CENPW: variants seen among roughly 807,000 people sequenced by gnomAD.
The protein encoded by CENPW is cancer-up-regulated gene 2 protein.
Under a neutral mutation model 11.1 loss-of-function variants are expected in CENPW, and 3 were observed. The observed-to-expected ratio is 0.27, with a 90% CI of 0.12 to 0.70. The LOEUF (loss-of-function observed/expected upper bound fraction) is 0.70, where lower values mean the gene tolerates loss of function less well. Among genes scored for constraint, CENPW ranks in the 30% least tolerant of loss-of-function variants. The probability of loss-of-function intolerance (pLI) is 0.77; values close to 1 mark genes in which losing one functional copy is unlikely to be tolerated. For synonymous variants in CENPW, 38 were observed against 42.0 expected (o/e 0.91, Z 0.37); for missense variants, 100 against 105.6 (o/e 0.95, Z 0.23).
the CENPW span, among the ~76,000 whole-genome samples, chr6:126,465,678 G>T: frequency 6.6e-6 from 1 of 152,020 alleles, no homozygotes; most frequent in Admixed American, 6.6e-5. Flanking sequence ...GAAATTAGCT[G>T]ATGAAAAAAA....
chr6:126,375,406 G>A, the CENPW span, among the ~76,000 whole-genome samples: 1 of 152,190 alleles, frequency 6.6e-6, no homozygotes, highest in South Asian at 2.1e-4. Flanking sequence ...GGTCATTTTA[G>A]ATTCTGTGTT....
At chr6:126,347,848 C>T (rs575812022) in intron 2 of CENPW, among the ~76,000 whole-genome samples, 13 of 151,650 alleles carry the variant, frequency 8.6e-5, no homozygotes, top group Non-Finnish European at 1.5e-4. Flanking sequence ...TGACTAATAC[C>T]GTCAGTCTTT....
At chr6:126,403,065 A>G in the CENPW span, among the ~76,000 whole-genome samples, 1 of 152,074 alleles carries the variant, frequency 6.6e-6, no homozygotes, top group Admixed American at 6.6e-5. Context: ...TTGATGTTAT[A>G]ATTGTTTTGG....
intron 2 of CENPW, among the ~76,000 whole-genome samples, chr6:126,348,259 T>C (rs957597373): frequency 1.3e-5 from 2 of 152,094 alleles, no homozygotes; most frequent in South Asian, 2.1e-4. Context: ...TTCATATTCA[T>C]TGAGATAAGA....
At chr6:126,402,986 T>G in the CENPW span, among the ~76,000 whole-genome samples, 1 of 152,106 alleles carries the variant, frequency 6.6e-6, no homozygotes, top group Non-Finnish European at 1.5e-5. Flanking sequence ...TGTCACATTT[T>G]GATAATTCTT....
the CENPW span, among the ~76,000 whole-genome samples, chr6:126,480,650 G>C: frequency 1.3e-5 from 2 of 151,956 alleles, no homozygotes; most frequent in Non-Finnish European, 2.9e-5. Context: ...ATCCCAAAAT[G>C]CTGGAGGAAA....
At chr6:126,405,508 A>C in the CENPW span, among the ~76,000 whole-genome samples, 49 of 152,144 alleles carry the variant, frequency 3.2e-4, no homozygotes, top group Middle Eastern at 3.4e-3. Flanking sequence ...TTCCATACAA[A>C]TTTAAGGATT....
At chr6:126,446,976 C>G in the CENPW span, among the ~76,000 whole-genome samples, 1 of 151,074 alleles carries the variant, frequency 6.6e-6, no homozygotes, top group African/African-American at 2.4e-5. Context: ...TCTTATGCCT[C>G]TAAGAAGCTA....
At chr6:126,412,214 C>A in the CENPW span, among the ~76,000 whole-genome samples, 1 of 151,288 alleles carries the variant, frequency 6.6e-6, no homozygotes, top group African/African-American at 2.4e-5. Flanking sequence ...TCTTGAACTC[C>A]AAGGCTCAAG....
At chr6:126,361,599 T>G in the CENPW span, among the ~76,000 whole-genome samples, 1 of 152,108 alleles carries the variant, frequency 6.6e-6, no homozygotes, top group Non-Finnish European at 1.5e-5. Context: ...CCAGCCTCTT[T>G]TGTATTTCTA....
chr6:126,430,267 G>A, the CENPW span, among the ~76,000 whole-genome samples: 8 of 152,304 alleles, frequency 5.3e-5, no homozygotes, highest in Non-Finnish European at 1.0e-4. Flanking sequence ...AACAAGTGAT[G>A]AAGGGAAATA....
the CENPW span, among the ~76,000 whole-genome samples, chr6:126,358,973 A>G: frequency 6.7e-6 from 1 of 149,938 alleles, no homozygotes; most frequent in African/African-American, 2.4e-5. Context: ...GGTTGGTTTC[A>G]CTTTTTTTTT....
the CENPW span, among the ~76,000 whole-genome samples, chr6:126,425,216 C>A: frequency 2.0e-5 from 3 of 152,018 alleles, no homozygotes; most frequent in Non-Finnish European, 4.4e-5. Flanking sequence ...AATTCTCTTG[C>A]AGGGGTTAAA....
At chr6:126,370,560 C>T in the CENPW span, among the ~76,000 whole-genome samples, 3 of 151,926 alleles carry the variant, frequency 2.0e-5, no homozygotes, top group Non-Finnish European at 4.4e-5. Context: ...ATTTTATTCT[C>T]AGCTTTGTCA....
the CENPW span, among the ~76,000 whole-genome samples, chr6:126,397,002 A>G: frequency 6.6e-6 from 1 of 151,910 alleles, no homozygotes; most frequent in Non-Finnish European, 1.5e-5. Context: ...TGTTTCTGCA[A>G]GATGCACTAC....
chr6:126,455,338 C>G, the CENPW span, among the ~76,000 whole-genome samples: 3 of 151,446 alleles, frequency 2.0e-5, no homozygotes, highest in Non-Finnish European at 4.4e-5. Context: ...AATCCAGCAG[C>G]ACATCAAAAA....
At chr6:126,443,506 C>T in the CENPW span, among the ~76,000 whole-genome samples, 2 of 151,198 alleles carry the variant, frequency 1.3e-5, no homozygotes, top group Non-Finnish European at 3.0e-5. Flanking sequence ...GAGGCACATG[C>T]CTGGTTATTT....
At chr6:126,366,963 A>T in the CENPW span, among the ~76,000 whole-genome samples, 1 of 152,118 alleles carries the variant, frequency 6.6e-6, no homozygotes, top group Non-Finnish European at 1.5e-5. Context: ...TTAATTGTTT[A>T]TGAGGGCAGA....
At chr6:126,421,970 CA>C in the CENPW span, among the ~76,000 whole-genome samples, 1 of 151,886 alleles carries the variant, frequency 6.6e-6, no homozygotes, top group Non-Finnish European at 1.5e-5. Flanking sequence ...AAAGAGCAGT[CA>C]GGAAAAAAAT....
Sources: allele counts gnomAD v4.1 joint callset (sites outside exome capture counted in the v4.1 genomes callset), GRCh38; gene constraint gnomAD v4.1.1; transcripts MANE v1.5; gene names NCBI Gene and HGNC (gene_info 2026-07-23, HGNC 2026-07-21).